TXNRD1: variants seen among roughly 807,000 people sequenced by gnomAD.
TXNRD1 encodes thioredoxin reductase 1, cytoplasmic.
TXNRD1 carries 57 observed loss-of-function variants against 80.3 expected under a neutral mutation model. That is an observed-to-expected ratio of 0.71 (90% CI 0.57 to 0.89). TXNRD1 has a LOEUF of 0.89. Ranked by LOEUF, TXNRD1 falls within the 40% of genes least tolerant of loss-of-function variation. The probability of loss-of-function intolerance (pLI) is 0.00; values close to 1 mark genes in which losing one functional copy is unlikely to be tolerated. For synonymous variants in TXNRD1, 291 were observed against 285.2 expected, an observed-to-expected ratio of 1.02 and a Z score of -0.20; for missense variants, 730 against 803.0, an observed-to-expected ratio of 0.91 and a Z score of 1.10.
rs1178469026 is a variant in TXNRD1 at position 104,254,644 on chromosome 12, AATATAT to A, written c.243+2983_243+2988del. ...CTATGTCTATGGAAAAAAAAAAAAA[AATATAT>A]ATATATATATATATATCAGCATGGT... On this transcript the variant is annotated intron_variant, in intron 2 of 16. Transcript: ENST00000525566. Among the ~76,000 whole-genome samples, 130 of 93,598 alleles carry A rather than the reference AATATAT, an allele frequency of 1.4e-3. 2 individuals carry two copies. The highest frequency in any genetic ancestry group is 8.7e-3 in the East Asian group (32 of 3,670). 61.4% of individuals were successfully genotyped at this position (93,598 alleles called of 152,430 possible).
intron 4 of TXNRD1, chr12:104,291,138 G>A (rs1184742075): frequency 6.1e-5 from 30 of 491,572 alleles, no homozygotes; most frequent in Admixed American, 1.1e-4. Flanking sequence ...ATACCATCAA[G>A]AACACTTAAA....
intron 4 of TXNRD1, among the ~76,000 whole-genome samples, chr12:104,296,953 A>G (rs1171784282): frequency 6.6e-6 from 1 of 152,214 alleles, no homozygotes; most frequent in Non-Finnish European, 1.5e-5. Flanking sequence ...ACATCGGGCT[A>G]GGCACTATCT....
intron 1 of TXNRD1, among the ~76,000 whole-genome samples, chr12:104,246,064 G>A (rs1436486116): frequency 6.9e-6 from 1 of 145,428 alleles, no homozygotes; most frequent in Non-Finnish European, 1.5e-5. Context: ...AGTGAGCTGA[G>A]ATCGCGCCGC....
chr12:104,303,228 T>A (rs1470064282), intron 4 of TXNRD1, among the ~76,000 whole-genome samples: 3 of 152,208 alleles, frequency 2.0e-5, no homozygotes, highest in African/African-American at 7.2e-5. Flanking sequence ...TGGAGGGGGC[T>A]TGGTTTTTAA....
chr12:104,326,388 T>G lies in TXNRD1; in HGVS notation c.1350T>G (p.Ile450Met), dbSNP rs1593848672. 6.3e-7 allele frequency: 1 copy of G among 1,596,842 alleles called. No individual in the cohort carries two copies. Among genetic ancestry groups the G allele is most frequent in the Non-Finnish European group, 8.5e-7 (1 of 1,172,928 alleles). Residue 450 changes from isoleucine (I) to methionine (M), a missense_variant, in exon 12 of 17, where the codon ATT becomes ATG. Ile to Met is a conservative substitution (Grantham distance 10). Coordinates refer to ENST00000525566, the MANE Select transcript of TXNRD1 (RefSeq NM_001093771.3). ...AIGRDACTRKIGLETVGVKIN... is the reference protein window; with the variant it reads ...AIGRDACTRKMGLETVGVKIN... ...GAAGAGATGCTTGCACAAGAAAAATTGGCTTAGAAACCGTAGGGGTGAAGA... is the reference window on the plus strand; with the variant it reads ...GAAGAGATGCTTGCACAAGAAAAATGGGCTTAGAAACCGTAGGGGTGAAGA...
intron 5 of TXNRD1, among the ~76,000 whole-genome samples, chr12:104,312,717 T>C (rs2035182990): frequency 6.6e-6 from 1 of 152,234 alleles, no homozygotes; most frequent in Non-Finnish European, 1.5e-5. Flanking sequence ...TGTCAACTTT[T>C]TCATGAGCGC....
intron 1 of TXNRD1, 94 bp downstream of exon 1, chr12:104,215,987 C>T: frequency 9.4e-7 from 1 of 1,068,002 alleles, no homozygotes; most frequent in Non-Finnish European, 1.4e-6. Context: ...GAGCCCTGGC[C>T]TTGAAGCCCC....
At chr12:104,220,741 G>C (rs1358891372) in intron 1 of TXNRD1, among the ~76,000 whole-genome samples, 5 of 72,068 alleles carry the variant, frequency 6.9e-5, no homozygotes, top group African/African-American at 1.2e-4. Flanking sequence ...AAAAAAAAAC[G>C]GTGGGGGGGA....
intron 5 of TXNRD1, among the ~76,000 whole-genome samples, chr12:104,312,705 G>T (rs1352939158): frequency 6.6e-6 from 1 of 152,158 alleles, no homozygotes; most frequent in Non-Finnish European, 1.5e-5. Flanking sequence ...TATCATAGAT[G>T]TTGTCAACTT....
In TXNRD1 at chr12:104,338,347, G is replaced by A. The variant is rs35208745; in HGVS notation, c.1747-792G>A. 2.1e-3 allele frequency among the ~76,000 whole-genome samples: 326 copies of A among 151,678 alleles called. 6 individuals carry two copies. Among genetic ancestry groups the A allele is most frequent in the Admixed American group, 0.018 (275 of 15,232 alleles). Reference sequence around the variant, plus strand: ...AGTGAACATCATACTCTATGTTTTGGTTCATGTTGGGGAGTCTTTAGCCTA... The same window carrying A: ...AGTGAACATCATACTCTATGTTTTGATTCATGTTGGGGAGTCTTTAGCCTA... On this transcript the variant is annotated intron_variant, in intron 15 of 16. Coordinates refer to ENST00000525566, the MANE Select transcript of TXNRD1 (RefSeq NM_001093771.3).
chr12:104,267,687 TTCTTTCTTTCTTTCTCTC>T (rs1565870200), intron 3 of TXNRD1, among the ~76,000 whole-genome samples: 1 of 35,104 alleles, frequency 2.8e-5, no homozygotes, highest in Admixed American at 3.0e-4. Flanking sequence ...CTTTCTTTCT[TTCTTTCTTTCTTTCTCTC>T]TTTCTTTCTT....
At chr12:104,332,200 GAA>G in intron 14 of TXNRD1, among the ~76,000 whole-genome samples, 1 of 152,192 alleles carries the variant, frequency 6.6e-6, no homozygotes, top group East Asian at 1.9e-4. Context: ...TGGAGTCAAA[GAA>G]AATGCACATG....
chr12:104,222,213 A>T (rs1322549646), intron 1 of TXNRD1, among the ~76,000 whole-genome samples: 1 of 151,948 alleles, frequency 6.6e-6, no homozygotes, highest in African/African-American at 2.4e-5. Context: ...GCACACATTT[A>T]AAAAATGAGA....
intron 4 of TXNRD1, chr12:104,289,353 C>A: frequency 4.0e-6 from 1 of 248,484 alleles, no homozygotes. Flanking sequence ...TTTTTAGCAG[C>A]AATGTAATCT....
At chr12:104,228,491 C>T (rs1314446992) in intron 1 of TXNRD1, among the ~76,000 whole-genome samples, 5 of 145,418 alleles carry the variant, frequency 3.4e-5, no homozygotes, top group East Asian at 2.1e-4. Flanking sequence ...ATTAGTCGGG[C>T]GTGGTGGCAC....
intron 5 of TXNRD1, among the ~76,000 whole-genome samples, chr12:104,312,014 GTATATATA>G (rs2035155494): frequency 7.3e-6 from 1 of 137,068 alleles, no homozygotes; most frequent in Non-Finnish European, 1.6e-5. Context: ...GTATATATAT[GTATATATA>G]CACACATATA....
chr12:104,304,785 A>G, intron 4 of TXNRD1: 2 of 1,614,012 alleles, frequency 1.2e-6, no homozygotes, highest in Non-Finnish European at 1.7e-6. Context: ...CCAATATTAG[A>G]GCCGATGAAT....
intron 3 of TXNRD1, among the ~76,000 whole-genome samples, chr12:104,267,996 C>T (rs1156764047): frequency 2.6e-5 from 4 of 151,136 alleles, no homozygotes; most frequent in Non-Finnish European, 5.9e-5. Context: ...ATTACAGGCA[C>T]CTGCCACCAC....
chr12:104,343,414 C>T (rs1423231143), intron 16 of TXNRD1, among the ~76,000 whole-genome samples: 1 of 152,190 alleles, frequency 6.6e-6, no homozygotes, highest in Non-Finnish European at 1.5e-5. Flanking sequence ...AGTGGAGACA[C>T]ACAGACCTGG....
Sources: allele counts gnomAD v4.1 joint callset (sites outside exome capture counted in the v4.1 genomes callset), GRCh38; gene constraint gnomAD v4.1.1; transcripts MANE v1.5; gene names NCBI Gene and HGNC (gene_info 2026-07-23, HGNC 2026-07-21).